The following ANKRD24 variants were observed in gnomAD, a reference collection of about 807,000 sequenced individuals.
The protein encoded by ANKRD24 is ankyrin repeat domain 24.
ANKRD24 carries 109 observed loss-of-function variants against 127.8 expected under a neutral mutation model. That is an observed-to-expected ratio of 0.85 (90% CI 0.73 to 1.00). The LOEUF (loss-of-function observed/expected upper bound fraction) is 1.00. Among genes scored for constraint, ANKRD24 ranks in the 50% least tolerant of loss-of-function variants. ANKRD24 has a pLI of 0.00. For synonymous variants in ANKRD24, 743 were observed against 671.1 expected (o/e 1.11, Z -1.66); for missense variants, 1,648 against 1,570.2 (o/e 1.05, Z -0.84).
chr19:4,216,263 T>G (rs1226141416), intron 16 of ANKRD24, 21 bp from the exon 17 acceptor site: 22 of 1,550,080 alleles, frequency 1.4e-5, no homozygotes, highest in Non-Finnish European at 1.9e-5. Context: ...CCCCAGGGCC[T>G]GACTCTGCGT....
At chr19:4,218,725 C>T (rs1487852880) in intron 18 of ANKRD24, among the ~76,000 whole-genome samples, 3 of 143,434 alleles carry the variant, frequency 2.1e-5, no homozygotes, top group Non-Finnish European at 4.6e-5. Context: ...CATCCCCCTT[C>T]CCTCCCCCCT....
chr19:4,211,639 A>T (rs941928253), intron 13 of ANKRD24, among the ~76,000 whole-genome samples: 1 of 152,034 alleles, frequency 6.6e-6, no homozygotes, highest in African/African-American at 2.4e-5. Flanking sequence ...GCAAGACTCC[A>T]TCTCAACAAC....
chr19:4,187,032 T>C (rs1359837592), intron 2 of ANKRD24, among the ~76,000 whole-genome samples: 1 of 152,068 alleles, frequency 6.6e-6, no homozygotes, highest in Admixed American at 6.6e-5. Flanking sequence ...AATTGAAGCA[T>C]TCAGGGCAGG....
Position 4,207,297 on chromosome 19 carries a change from A to T in ANKRD24, c.522A>T (p.Leu174=). ...TGCTCTGCTCCTTTAAGGCACATCTAAACCCCCAAGATCGGGTAAGCTTCT... is the reference window on the plus strand; with the variant it reads ...TGCTCTGCTCCTTTAAGGCACATCTTAACCCCCAAGATCGGGTAAGCTTCT... ...SEVLCSFKAH[L]NPQDRSGATP... The change falls in exon 8 of 22, where the codon CTA becomes CTT. Residue 174 remains leucine (L), a synonymous_variant. Transcript: ENST00000318934. The T allele has an allele frequency of 1.9e-6, 3 of 1,613,840 alleles. No homozygotes were observed. The Admixed American group carries it at 5.0e-5, about 27-fold the overall frequency.
chr19:4,191,106 C>A (rs982882243), intron 2 of ANKRD24, among the ~76,000 whole-genome samples: 2 of 152,136 alleles, frequency 1.3e-5, no homozygotes, highest in African/African-American at 4.8e-5. Context: ...TGAGGTTAGC[C>A]CATAGCCTGG....
At chr19:4,200,699 C>T (rs920451613) in intron 5 of ANKRD24, among the ~76,000 whole-genome samples, 7 of 152,066 alleles carry the variant, frequency 4.6e-5, no homozygotes, top group African/African-American at 1.7e-4. Flanking sequence ...TTTTTCTATT[C>T]TTAGTAGGGA....
intron 5 of ANKRD24, 95 bp from the exon 6 acceptor site, chr19:4,201,931 T>C: frequency 9.0e-7 from 1 of 1,106,832 alleles, no homozygotes; most frequent in South Asian, 1.3e-5. Flanking sequence ...TTTGCTAGAC[T>C]CAGAAACTCA....
chr19:4,218,275 CTACTT>C lies in ANKRD24; in HGVS notation c.3003+115_3003+119del, dbSNP rs1970242327. Reference sequence around the variant, plus strand: ...ACCCATCAGTTTTACTTGAACAGACCTACTTTATTTTATTTATTTATTTATTTATT... The same window carrying C: ...ACCCATCAGTTTTACTTGAACAGACCTATTTTATTTATTTATTTATTTATT... On this transcript the variant is annotated intron_variant, in intron 18 of 21. Transcript: ENST00000318934. 1.7e-5 allele frequency: 13 copies of C among 774,312 alleles called. 1 individual carries two copies. The East Asian group carries it at 4.4e-4, about 26-fold the overall frequency. 48.0% of individuals were successfully genotyped at this position (774,312 alleles called of 1,614,324 possible).
At chr19:4,212,751 C>T in intron 15 of ANKRD24, 53 bp downstream of exon 15, 2 of 1,486,696 alleles carry the variant, frequency 1.3e-6, no homozygotes, top group Non-Finnish European at 9.1e-7. Flanking sequence ...GGGAACTTCT[C>T]TCCTACAGCA....
Position 4,217,810 on chromosome 19 carries a change from C to G in ANKRD24, c.2650C>G (p.Arg884Gly), listed in dbSNP as rs1313360465. 10 of 1,383,884 alleles carry G rather than the reference C, an allele frequency of 7.2e-6. No individual in the cohort carries two copies. Among genetic ancestry groups the G allele is most frequent in the Non-Finnish European group, 9.3e-6 (10 of 1,073,828 alleles). 85.7% of individuals were successfully genotyped at this position (1,383,884 alleles called of 1,614,324 possible). Residue 884 changes from arginine to glycine, a missense_variant, in exon 18 of 22, where the codon CGA (arginine) becomes GGA (glycine). Arg to Gly is a moderately radical substitution (Grantham distance 125). Coordinates refer to ENST00000318934, the MANE Select transcript of ANKRD24 (RefSeq NM_001393985.1). ...CCGGGCACGGGACGCCGCTGAGGCC[C>G]GAGTGGCTGAGCTGCCTGCGGCCTG... Reference protein sequence around the residue: ...LGRARDAAEARVAELPAACEE... With the variant: ...LGRARDAAEAGVAELPAACEE...
intron 5 of ANKRD24, among the ~76,000 whole-genome samples, chr19:4,201,605 G>A (rs1055646745): frequency 9.2e-5 from 14 of 152,030 alleles, no homozygotes; most frequent in Admixed American, 3.3e-4. Context: ...CCTGATGGCC[G>A]GGCACCATGG....
intron 15 of ANKRD24, among the ~76,000 whole-genome samples, chr19:4,213,356 C>T (rs1214563596): frequency 6.7e-6 from 1 of 148,294 alleles, no homozygotes; most frequent in Admixed American, 6.8e-5. Flanking sequence ...CCTTCGTTTT[C>T]CTTCCCTTCT....
intron 19 of ANKRD24, among the ~76,000 whole-genome samples, chr19:4,220,597 C>G (rs1394012608): frequency 6.6e-6 from 1 of 152,156 alleles, no homozygotes; most frequent in Admixed American, 6.6e-5. Flanking sequence ...CTCTGTCACC[C>G]AGACTGGAGT....
intron 15 of ANKRD24, among the ~76,000 whole-genome samples, chr19:4,214,963 G>C (rs1477746880): frequency 6.6e-6 from 1 of 152,142 alleles, no homozygotes; most frequent in African/African-American, 2.4e-5. Flanking sequence ...CACACCTCCA[G>C]CCAGCTCTTT....
rs1161988078 is a variant in ANKRD24, at chr19:4,207,601, A to G, written c.638A>G (p.Gln213Arg). 17 of 1,613,102 alleles carry G rather than the reference A, an allele frequency of 1.1e-5. No individual in the cohort carries two copies. Among genetic ancestry groups the G allele is most frequent in the African/African-American group, 1.3e-5 (1 of 74,914 alleles). ...QGAAANDQDL[Q>R]GRTALMLACE... Reference sequence around the variant, plus strand: ...GCTGCCGCGAACGATCAGGACCTGCAAGGCAGGTGAGCATCTCCCCTCCCA... The same window carrying G: ...GCTGCCGCGAACGATCAGGACCTGCGAGGCAGGTGAGCATCTCCCCTCCCA... Residue 213 changes from glutamine to arginine, a missense_variant, in exon 9 of 22, where the codon CAA (glutamine) becomes CGA (arginine). By Grantham distance (43) the Gln-to-Arg change is conservative. Transcript: ENST00000318934.
At position 4,199,989 on chromosome 19, in the gene ANKRD24, C is replaced by T. The variant is rs1383843078; in HGVS notation, c.238C>T (p.Pro80Ser). ...GGGGCTGGTGCCCACGAAGCTAGAC[C>T]CCGAGGGCAAGTCCGCGTGAGTGCC... ...RKGLVPTKLD[P>S]EGKSAFHLAA... Residue 80 changes from proline (P) to serine (S), a missense_variant, in exon 4 of 22, where the codon CCC becomes TCC. By Grantham distance (74) the Pro-to-Ser change is moderately conservative (BLOSUM62 -1). Transcript: ENST00000318934. This position sits in a 1 kb window ranked among gnomAD's most constrained non-coding sequence, Gnocchi z 5.2. The T allele has an allele frequency of 1.3e-6, 2 of 1,564,816 alleles. No homozygotes were observed. The highest frequency in any genetic ancestry group is 1.7e-6 in the Non-Finnish European group (2 of 1,154,386).
intron 7 of ANKRD24, 39 bp from the exon 8 acceptor site, chr19:4,207,203 G>T (rs751854338): frequency 1.3e-6 from 2 of 1,596,424 alleles, no homozygotes; most frequent in Admixed American, 1.7e-5. Context: ...GGATTACAGG[G>T]TTGAGCTACC....
chr19:4,217,500 T>G lies in ANKRD24; in HGVS notation c.2340T>G (p.Gly780=), dbSNP rs1970176097. Residue 780 remains glycine, a synonymous_variant, in exon 18 of 22, where the codon GGT becomes GGG. Transcript: ENST00000318934. ...EAEGSGASGG[G]GGDTTQLRAA... ...AGGGCAGCGGGGCCAGCGGGGGCGG[T>G]GGCGGTGACACCACACAGCTGCGGG... is the stretch of plus-strand genomic sequence containing the variant. 10 of 1,403,104 alleles carry G rather than the reference T, an allele frequency of 7.1e-6. No individual in the cohort carries two copies. Among genetic ancestry groups the G allele is most frequent in the Middle Eastern group, 2.6e-4 (1 of 3,856 alleles). 86.9% of individuals were successfully genotyped at this position (1,403,104 alleles called of 1,614,324 possible).
chr19:4,222,382 CTG>C (rs1970489997), intron 19 of ANKRD24, among the ~76,000 whole-genome samples: 1 of 152,218 alleles, frequency 6.6e-6, no homozygotes, highest in Non-Finnish European at 1.5e-5. Flanking sequence ...GAGCGAGACT[CTG>C]TCTCAAAAAG....
Sources: allele counts gnomAD v4.1 joint callset (sites outside exome capture counted in the v4.1 genomes callset), GRCh38; gene constraint gnomAD v4.1.1; non-coding constraint Gnocchi (gnomAD v3.1); transcripts MANE v1.5; gene names NCBI Gene and HGNC (gene_info 2026-07-23, HGNC 2026-07-21).